Variants in TIAM2 observed in about 807,000 individuals in gnomAD.
TIAM2 encodes the protein TIAM Rac1 associated GEF 2.
Under a neutral mutation model 152.9 loss-of-function variants are expected in TIAM2, and 80 were observed. The observed-to-expected ratio is 0.52, with a 90% CI of 0.44 to 0.63. TIAM2 has a LOEUF of 0.63. Among genes scored for constraint, TIAM2 ranks in the 30% least tolerant of loss-of-function variants. The probability of loss-of-function intolerance (pLI) is 0.00; values close to 1 mark genes in which losing one functional copy is unlikely to be tolerated. For missense variants in TIAM2, 1,965 were observed against 2,120.1 expected (o/e 0.93, Z 1.44); for synonymous variants, 804 against 838.0 (o/e 0.96, Z 0.70).
chr6:155,211,682 A>T (rs948347079), intron 15 of TIAM2, among the ~76,000 whole-genome samples: 1 of 151,680 alleles, frequency 6.6e-6, no homozygotes, highest in Non-Finnish European at 1.5e-5. Flanking sequence ...CTGAAGATAA[A>T]TTATTTTTGG....
At chr6:155,236,693 C>A (rs1263751409) in intron 15 of TIAM2, among the ~76,000 whole-genome samples, 2 of 152,112 alleles carry the variant, frequency 1.3e-5, no homozygotes, top group Non-Finnish European at 2.9e-5. Flanking sequence ...CAAGTCATAT[C>A]TTACGTGGAT....
At chr6:155,028,366 A>AATATATATACTGTGTTACATATATACTAC (rs1562294264) in intron 1 of TIAM2, among the ~76,000 whole-genome samples, 2,542 of 112,210 alleles carry the variant, frequency 0.023, 205 homozygotes, top group Non-Finnish European at 0.035. Flanking sequence ...TACTACATAT[A>AATATATATACTGTGTTACATATATACTAC]ATATATATAC....
chr6:155,155,486 T>C (rs1040173393), intron 7 of TIAM2, among the ~76,000 whole-genome samples: 3 of 150,912 alleles, frequency 2.0e-5, no homozygotes, highest in African/African-American at 7.3e-5. Flanking sequence ...TTATTTTCTA[T>C]TTTTTTGAAA....
chr6:155,005,719 A>T (rs147097569), intron 1 of TIAM2, among the ~76,000 whole-genome samples: 1 of 143,340 alleles, frequency 7.0e-6, no homozygotes. Flanking sequence ...GCAATGGTGT[A>T]ATCTCGGCTC....
At chr6:155,059,309 TGTGTGTGTGTGTGTGTGCGC>T (rs1179592089) in intron 1 of TIAM2, among the ~76,000 whole-genome samples, 3 of 148,228 alleles carry the variant, frequency 2.0e-5, no homozygotes, top group Non-Finnish European at 3.0e-5. Context: ...TGTGTGTGTG[TGTGTGTGTGTGTGTGTGCGC>T]GTGTATGTTT....
At chr6:155,246,069 G>GT (rs112578629) in intron 19 of TIAM2, among the ~76,000 whole-genome samples, 6,894 of 142,094 alleles carry the variant, frequency 0.049, 473 homozygotes, top group African/African-American at 0.16. Flanking sequence ...ATGCTATGGT[G>GT]TTTTTTTTTT....
chr6:155,028,208 ATG>A (rs1776663826), intron 1 of TIAM2, among the ~76,000 whole-genome samples: 1 of 128,726 alleles, frequency 7.8e-6, no homozygotes, highest in Admixed American at 8.5e-5. Context: ...CATATAATAT[ATG>A]TACTGTGTTA....
chr6:155,158,353 A>G (rs1229943845), intron 7 of TIAM2, among the ~76,000 whole-genome samples: 1 of 152,216 alleles, frequency 6.6e-6, no homozygotes, highest in Non-Finnish European at 1.5e-5. Context: ...TGTTAGCAAT[A>G]AAGAGGAAAA....
chr6:155,127,231 G>A (rs972920685), intron 2 of TIAM2, among the ~76,000 whole-genome samples: 4 of 152,098 alleles, frequency 2.6e-5, no homozygotes, highest in African/African-American at 9.7e-5. Flanking sequence ...TCACTGGAGC[G>A]GTCTCCCCTG....
chr6:155,113,247 G>A (rs73573779), intron 2 of TIAM2, among the ~76,000 whole-genome samples: 10 of 151,872 alleles, frequency 6.6e-5, no homozygotes, highest in African/African-American at 1.9e-4. Flanking sequence ...CCTGCCCACG[G>A]TGCCCTTTCC....
At chr6:155,076,035 C>T (rs1472108121) in intron 1 of TIAM2, among the ~76,000 whole-genome samples, 1 of 152,190 alleles carries the variant, frequency 6.6e-6, no homozygotes, top group Non-Finnish European at 1.5e-5. Context: ...TCAGTCTCCA[C>T]CTGCAATGCT....
chr6:155,171,731 G>A (rs1328383465), intron 9 of TIAM2, among the ~76,000 whole-genome samples: 1 of 152,130 alleles, frequency 6.6e-6, no homozygotes, highest in African/African-American at 2.4e-5. Flanking sequence ...TACAGCTAGC[G>A]AGCTAGCTAG....
intron 9 of TIAM2, among the ~76,000 whole-genome samples, chr6:155,168,638 G>A (rs1009259131): frequency 6.6e-6 from 1 of 152,034 alleles, no homozygotes; most frequent in South Asian, 2.1e-4. Context: ...ATTACAGGCC[G>A]ACTTAAATAA....
At chr6:155,051,364 C>T (rs577465767) in intron 1 of TIAM2, among the ~76,000 whole-genome samples, 2 of 152,302 alleles carry the variant, frequency 1.3e-5, no homozygotes, top group Admixed American at 6.5e-5. Flanking sequence ...GCGCATCATA[C>T]GTGCTGGGTG....
intron 25 of TIAM2, 153 bp from the exon 26 acceptor site, chr6:155,254,266 C>T: frequency 9.4e-7 from 1 of 1,069,284 alleles, no homozygotes; most frequent in Non-Finnish European, 1.3e-6. Flanking sequence ...TTCTCACCTC[C>T]TTCTGTACGG....
chr6:155,257,647 G>T lies in TIAM2; in HGVS notation c.*526G>T. On this transcript the variant is annotated 3_prime_UTR_variant, in exon 27 of 27. Coordinates refer to ENST00000682666, the MANE Select transcript of TIAM2 (RefSeq NM_012454.4). ...ACTATCTATACAGTATATATTAAAAGAAAGCTTGTACTGTATCTTATTTGA... is the reference window on the plus strand; with the variant it reads ...ACTATCTATACAGTATATATTAAAATAAAGCTTGTACTGTATCTTATTTGA... 2 of 629,338 alleles carry T rather than the reference G, an allele frequency of 3.2e-6. No homozygotes were observed. Among genetic ancestry groups the T allele is most frequent in the Admixed American group, 2.9e-5 (1 of 33,960 alleles). 39.0% of individuals were successfully genotyped at this position (629,338 alleles called of 1,614,324 possible). A position where few individuals can be genotyped will look rare whatever the true frequency, so the allele number is the denominator to read the frequency against.
At chr6:155,147,452 A>G (rs950191528) in intron 6 of TIAM2, among the ~76,000 whole-genome samples, 2 of 152,036 alleles carry the variant, frequency 1.3e-5, no homozygotes, top group African/African-American at 4.8e-5. Context: ...GATTTCAGGC[A>G]TGCACCACCA....
In TIAM2 at chr6:155,256,802, G is replaced by A. The variant is rs748792324; in HGVS notation, c.4787G>A (p.Arg1596Lys). Residue 1596 changes from arginine (R) to lysine (K), a missense_variant, in exon 27 of 27, where the codon AGG (arginine) becomes AAG (lysine). By Grantham distance (26) the Arg-to-Lys change is conservative. Coordinates refer to ENST00000682666, the MANE Select transcript of TIAM2 (RefSeq NM_012454.4). ...ATCGAAATTCAGTTCCAGAGACTGA[G>A]GATTTCCGAGGACCCAGACGTTCAC... ...KDIEIQFQRL[R>K]ISEDPDVHPE... is the part of the protein sequence containing the mutation. 2.5e-6 allele frequency: 4 copies of A among 1,614,212 alleles called. No homozygotes were observed. The South Asian group carries it at 3.3e-5, about 13-fold the overall frequency.
At chr6:155,245,320 C>G (rs966624477) in intron 18 of TIAM2, among the ~76,000 whole-genome samples, 3 of 152,234 alleles carry the variant, frequency 2.0e-5, no homozygotes, top group African/African-American at 7.2e-5. Flanking sequence ...ATTAGTGAAC[C>G]TCTCTCAGAT....
Sources: allele counts gnomAD v4.1 joint callset (sites outside exome capture counted in the v4.1 genomes callset), GRCh38; gene constraint gnomAD v4.1.1; transcripts MANE v1.5; gene names NCBI Gene and HGNC (gene_info 2026-07-23, HGNC 2026-07-21).